The following FADS1 variants were observed in gnomAD, a reference collection of about 807,000 sequenced individuals.
The protein encoded by FADS1 is fatty acid desaturase 1.
FADS1 carries 17 observed loss-of-function variants against 61.6 expected under a neutral mutation model. That is an observed-to-expected ratio of 0.28 (90% confidence interval 0.19 to 0.41). The LOEUF is 0.41. Among genes scored for constraint, FADS1 ranks in the 10% least tolerant of loss-of-function variants. The pLI is 1.00. For synonymous variants in FADS1, 238 were observed against 258.7 expected, an observed-to-expected ratio of 0.92 and a Z score of 0.77; for missense variants, 387 against 650.9, an observed-to-expected ratio of 0.59 and a Z score of 4.41.
intron 6 of FADS1, chr11:61,805,025 A>G (rs970024851): frequency 5.5e-6 from 3 of 548,146 alleles, no homozygotes; most frequent in Non-Finnish European, 9.7e-6. Flanking sequence ...CTTCAGTGAC[A>G]GGTGCTTGGG....
In FADS1 at chr11:61,816,626, T is replaced by C. The variant is rs1377375171; in HGVS notation, c.304A>G (p.Ile102Val). The change falls in exon 1 of 12, where the codon ATC (isoleucine) becomes GTC (valine). Residue 102 changes from isoleucine to valine, a missense_variant. Ile to Val is a conservative substitution (Grantham distance 29, BLOSUM62 3). Coordinates refer to ENST00000350997, the MANE Select transcript of FADS1 (RefSeq NM_013402.7). This position sits in a 1 kb window ranked among gnomAD's most constrained non-coding sequence, Gnocchi z 7.0. ...WLVIDRKVYN[I>V]SEFTRRHPGG... is the part of the protein sequence containing the mutation. ...GGATGCCGGCGGGTGAACTCGCTGA[T>C]GTTGTACACCTTACGGTCGATCACT... 2 of 1,603,912 alleles carry C rather than the reference T, an allele frequency of 1.2e-6. No individual in the cohort carries two copies. The highest frequency in any genetic ancestry group is 1.7e-6 in the Non-Finnish European group (2 of 1,176,074).
chr11:61,802,949 A>G lies in FADS1; in HGVS notation c.1329-23T>C. ...AGACTTTAGGGAGAACGGGGGAGTC[A>G]GTGGTTCCTGCTTCTCTGCTCCCAC... On this transcript the variant is annotated intron_variant, in intron 10 of 11. Coordinates refer to ENST00000350997, the MANE Select transcript of FADS1 (RefSeq NM_013402.7). This position sits in a 1 kb window ranked among gnomAD's most constrained non-coding sequence, Gnocchi z 4.2. 1 of 1,612,932 alleles carries G rather than the reference A, an allele frequency of 6.2e-7. No homozygotes were observed. Among genetic ancestry groups the G allele is most frequent in the Non-Finnish European group, 8.5e-7 (1 of 1,179,104 alleles).
rs1248463242 is a variant in FADS1 at position 61,812,665 on chromosome 11, C to T, written c.490G>A (p.Glu164Lys). Residue 164 changes from glutamate (E) to lysine (K), a missense_variant, in exon 3 of 12, where the codon GAG becomes AAG. By Grantham distance (56) the Glu-to-Lys change is moderately conservative. Coordinates refer to ENST00000350997, the MANE Select transcript of FADS1 (RefSeq NM_013402.7). ...QPSFEPTKNK[E>K]LTDEFRELRA... ...AGCTCCCGGAACTCATCTGTCAGCT[C>T]TTTCTGCAGAAGAGGAAGAGGAGCT... The T allele has an allele frequency of 1.2e-6, 2 of 1,613,674 alleles. No homozygotes were observed. Among genetic ancestry groups the T allele is most frequent in the African/African-American group, 2.7e-5 (2 of 74,942 alleles).
Position 61,803,348 on chromosome 11 carries a change from G to GTGAC in FADS1, c.1248+11_1248+14dup, listed in dbSNP as rs2066870904. On this transcript the variant is annotated intron_variant, in intron 9 of 11. Coordinates refer to ENST00000350997, the MANE Select transcript of FADS1 (RefSeq NM_013402.7). The surrounding 1 kb of genome is among the most constrained non-coding windows in gnomAD (Gnocchi z 4.3). ...GTTGTGTTATGCTCCAGTCTTCTGA[G>GTGAC]TGACTGTCCCTTACCTGGGTGGAAA... The GTGAC allele has an allele frequency of 6.3e-7, 1 of 1,594,946 alleles. No individual in the cohort carries two copies.
Position 61,799,964 on chromosome 11 carries a change from G to T in FADS1, c.*2447C>A, listed in dbSNP as rs1020743263. ...TGGCCATGTAAGAGACCACACTGCT[G>T]TAGGCTGAGAAGGCCACAGTGGTTC... On this transcript the variant is annotated 3_prime_UTR_variant, in exon 12 of 12. Transcript: ENST00000350997. 6.5e-6 allele frequency: 1 copy of T among 152,792 alleles called. No homozygotes were observed. Among genetic ancestry groups the T allele is most frequent in the African/African-American group, 2.4e-5 (1 of 41,454 alleles). 9.5% of individuals were successfully genotyped at this position (152,792 alleles called of 1,614,324 possible).
Position 61,816,933 on chromosome 11 carries a change from CCGAGCCTCGTGG to C in FADS1, c.-16_-5del. ...GCCTCGCAGCGCGCGTTCCCATTGG[CCGAGCCTCGTGG>C]CGCGGGGAGCGAGATCCCGTCCCCC... On this transcript the variant is annotated 5_prime_UTR_variant, in exon 1 of 12. Transcript: ENST00000350997. The surrounding 1 kb of genome is among the most constrained non-coding windows in gnomAD (Gnocchi z 7.0). 1 of 1,384,224 alleles carries C rather than the reference CCGAGCCTCGTGG, an allele frequency of 7.2e-7. No individual in the cohort carries two copies. Among genetic ancestry groups the C allele is most frequent in the African/African-American group, 1.5e-5 (1 of 65,462 alleles). 85.7% of individuals were successfully genotyped at this position (1,384,224 alleles called of 1,614,324 possible).
chr11:61,812,709 A>C, intron 2 of FADS1, 41 bp from the exon 3 acceptor site: 3 of 1,567,342 alleles, frequency 1.9e-6, no homozygotes, highest in South Asian at 1.1e-5. Flanking sequence ...TCTCATCTGC[A>C]CCCCAATGCT....
chr11:61,809,097 C>T (rs1218642265), intron 5 of FADS1, among the ~76,000 whole-genome samples: 1 of 152,204 alleles, frequency 6.6e-6, no homozygotes, highest in Non-Finnish European at 1.5e-5. Context: ...CTCATTCTCT[C>T]ATTGCTTACT....
In FADS1 at chr11:61,803,713, G is replaced by A; in HGVS notation, c.1108C>T (p.Leu370=). 1 of 1,613,990 alleles carries A rather than the reference G, an allele frequency of 6.2e-7. No homozygotes were observed. Among genetic ancestry groups the A allele is most frequent in the South Asian group, 1.1e-5 (1 of 91,076 alleles). The change falls in exon 8 of 12, where the codon CTA becomes TTA. Residue 370 remains leucine (L), a synonymous_variant. Transcript: ENST00000350997. The surrounding 1 kb of genome is among the most constrained non-coding windows in gnomAD (Gnocchi z 4.3). ...YVRFFLTYVP[L]LGLKAFLGLF... is the part of the protein sequence containing the mutation. ...CCCAGGAAGGCTTTCAGCCCCAATA[G>A]TGGCACATAAGTGAGGAAGAAGCGG...
rs142914529 is a variant in FADS1, at chr11:61,803,464, T to C, written c.1152-5A>G. 2.5e-4 allele frequency: 395 copies of C among 1,610,570 alleles called. 2 individuals are homozygous for C. The African/African-American group carries it at 4.2e-3, about 17-fold the overall frequency. ...AACCAGTTGCTTTCCAGGAACCTGT[T>C]AGATGTATTACACAGACAAAAACAG... On this transcript the variant is annotated splice_polypyrimidine_tract_variant and splice_region_variant and intron_variant, in intron 8 of 11. Coordinates refer to ENST00000350997, the MANE Select transcript of FADS1 (RefSeq NM_013402.7). The surrounding 1 kb of genome is among the most constrained non-coding windows in gnomAD (Gnocchi z 4.3).
At chr11:61,812,369 C>G in intron 3 of FADS1, 102 bp downstream of exon 3, 1 of 1,032,466 alleles carries the variant, frequency 9.7e-7, no homozygotes, top group Non-Finnish European at 1.5e-6. Context: ...CAGATCTGCC[C>G]TGCTTGGAGG....
chr11:61,801,861 G>A lies in FADS1; in HGVS notation c.*550C>T, dbSNP rs1165501868. The A allele has an allele frequency of 6.5e-6, 1 of 153,758 alleles. No individual in the cohort carries two copies. The highest frequency in any genetic ancestry group is 2.4e-5 in the African/African-American group (1 of 41,390). 9.5% of individuals were successfully genotyped at this position (153,758 alleles called of 1,614,324 possible). ...ACTGAGAAATGGACCAGTGAGCTGA[G>A]CTCACCTTTTATATGAGTGGATTTT... On this transcript the variant is annotated 3_prime_UTR_variant, in exon 12 of 12. Transcript: ENST00000350997.
At chr11:61,814,803 T>A (rs888403658) in intron 1 of FADS1, 9 of 152,206 alleles carry the variant, frequency 5.9e-5, no homozygotes, top group African/African-American at 2.2e-4. Context: ...AACCTCTAGA[T>A]ACAGAAAAGT....
Position 61,816,872 on chromosome 11 carries a change from G to T in FADS1, c.58C>A (p.Arg20Ser). The change falls in exon 1 of 12, where the codon CGC (arginine) becomes AGC (serine). Residue 20 changes from arginine (R) to serine (S), a missense_variant. Around this residue, in one of 2 missense-constraint regions of FADS1, gnomAD observed 130 missense variants for 117.7 expected, o/e 1.10. Transcript: ENST00000350997. The surrounding 1 kb of genome is among the most constrained non-coding windows in gnomAD (Gnocchi z 7.0). ...GLPCGAENPA[R>S]RRLALGARQQ... ...CGCGCGCCCAGAGCCAGCCGCCTGCGCGCCGGGTTTTCAGCACCGCAGGGC... is the reference window on the plus strand; with the variant it reads ...CGCGCGCCCAGAGCCAGCCGCCTGCTCGCCGGGTTTTCAGCACCGCAGGGC... The T allele has an allele frequency of 6.8e-7, 1 of 1,477,974 alleles. No homozygotes were observed. The highest frequency in any genetic ancestry group is 8.9e-7 in the Non-Finnish European group (1 of 1,125,200). 91.6% of individuals were successfully genotyped at this position (1,477,974 alleles called of 1,614,324 possible). A position where few individuals can be genotyped will look rare whatever the true frequency, so the allele number is the denominator to read the frequency against.
intron 6 of FADS1, 79 bp from the exon 7 acceptor site, chr11:61,804,840 G>T: frequency 8.1e-7 from 1 of 1,231,090 alleles, no homozygotes; most frequent in Non-Finnish European, 1.2e-6. Flanking sequence ...GGGAGAGATG[G>T]CCTCTAGCAG....
Position 61,802,972 on chromosome 11 carries a change from C to T in FADS1, c.1329-46G>A. On this transcript the variant is annotated intron_variant, in intron 10 of 11. Coordinates refer to ENST00000350997, the MANE Select transcript of FADS1 (RefSeq NM_013402.7). This position sits in a 1 kb window ranked among gnomAD's most constrained non-coding sequence, Gnocchi z 4.2. ...TCAGTGGTTCCTGCTTCTCTGCTCC[C>T]ACCTGTACCCAACACTTACACCCTC... 6.2e-7 allele frequency: 1 copy of T among 1,613,748 alleles called. No individual in the cohort carries two copies.
Position 61,815,540 on chromosome 11 carries a change from AGAGGGGGATGCAAGGG to A in FADS1, c.375+999_375+1014del, listed in dbSNP as rs886955086. ...GCATCACGCTGCAGGGCACGGGATC[AGAGGGGGATGCAAGGG>A]GAGGGGACGCCATTCTGGCCGCCAA... On this transcript the variant is annotated intron_variant, in intron 1 of 11. Transcript: ENST00000350997. The surrounding 1 kb of genome is among the most constrained non-coding windows in gnomAD (Gnocchi z 6.4). 6 of 152,734 alleles carry A rather than the reference AGAGGGGGATGCAAGGG, an allele frequency of 3.9e-5. No homozygotes were observed. Among genetic ancestry groups the A allele is most frequent in the African/African-American group, 1.4e-4 (6 of 41,480 alleles). The allele number at this position is 152,734 out of a possible 1,614,324, so 9.5% of individuals were successfully genotyped here.
chr11:61,816,179 C>T lies in FADS1; in HGVS notation c.375+376G>A, dbSNP rs1043430343. ...GTGACTCCCTCCCCTGGCCACTGAC[C>T]CCCTCCCTCCCCAGGCGGCCTGCAT... On this transcript the variant is annotated intron_variant, in intron 1 of 11. Coordinates refer to ENST00000350997, the MANE Select transcript of FADS1 (RefSeq NM_013402.7). The surrounding 1 kb of genome is among the most constrained non-coding windows in gnomAD (Gnocchi z 7.0). The T allele has an allele frequency of 1.5e-6, 2 of 1,357,668 alleles. No individual in the cohort carries two copies. Among genetic ancestry groups the T allele is most frequent in the Non-Finnish European group, 2.0e-6 (2 of 993,782 alleles). 84.1% of individuals were successfully genotyped at this position (1,357,668 alleles called of 1,614,324 possible).
In FADS1 at chr11:61,802,784, T is replaced by G. The variant is rs771890008; in HGVS notation, c.1454+17A>C. The G allele has an allele frequency of 1.2e-6, 2 of 1,614,082 alleles. No individual in the cohort carries two copies. The highest frequency in any genetic ancestry group is 1.7e-6 in the Non-Finnish European group (2 of 1,180,012). ...CTTCCCTCCCTACTAGCCATCTTCC[T>G]GGTCTCAGATACTCACTGGATGATG... On this transcript the variant is annotated intron_variant, in intron 11 of 11. Transcript: ENST00000350997. The surrounding 1 kb of genome is among the most constrained non-coding windows in gnomAD (Gnocchi z 4.2).
Sources: allele counts gnomAD v4.1 joint callset (sites outside exome capture counted in the v4.1 genomes callset), GRCh38; gene constraint gnomAD v4.1.1; regional missense constraint gnomAD v4.1.1; non-coding constraint Gnocchi (gnomAD v3.1); transcripts MANE v1.5; gene names NCBI Gene and HGNC (gene_info 2026-07-23, HGNC 2026-07-21).